The following VWC2 variants were observed in gnomAD, a reference collection of about 807,000 sequenced individuals.
The protein encoded by VWC2 is brorin.
In VWC2, 14 loss-of-function variants were observed where a neutral mutation model predicts 29.8. That is an observed-to-expected ratio of 0.47 (90% CI 0.31 to 0.74). The LOEUF (loss-of-function observed/expected upper bound fraction) is 0.74. VWC2 is among the 30% of genes least tolerant of loss of function. The pLI is 0.05. For missense variants in VWC2, 457 were observed against 459.8 expected, an observed-to-expected ratio of 0.99 and a Z score of 0.05; for synonymous variants, 213 against 199.0, an observed-to-expected ratio of 1.07 and a Z score of -0.59.
At chr7:49,837,148 A>G (rs901142590) in intron 3 of VWC2, among the ~76,000 whole-genome samples, 55 of 152,232 alleles carry the variant, frequency 3.6e-4, no homozygotes, top group African/African-American at 1.3e-3. Flanking sequence ...TTTTTATTAA[A>G]CATATTCCAT....
At chr7:49,810,274 A>G (rs779894992) in intron 3 of VWC2, among the ~76,000 whole-genome samples, 4 of 152,102 alleles carry the variant, frequency 2.6e-5, no homozygotes, top group Non-Finnish European at 4.4e-5. Flanking sequence ...TACAAATGAA[A>G]TTAAGAAAAT....
At chr7:49,876,690 C>T (rs189749468) in intron 3 of VWC2, among the ~76,000 whole-genome samples, 1 of 152,008 alleles carries the variant, frequency 6.6e-6, no homozygotes, top group Admixed American at 6.5e-5. Context: ...TTTAAGATCC[C>T]CCTTCCTCCT....
chr7:49,801,558 A>G (rs551892057), intron 2 of VWC2, among the ~76,000 whole-genome samples: 10 of 152,374 alleles, frequency 6.6e-5, no homozygotes, highest in African/African-American at 2.4e-4. Flanking sequence ...AATGGCTGGT[A>G]TGCTTGATTT....
intron 3 of VWC2, among the ~76,000 whole-genome samples, chr7:49,871,908 AACAC>A (rs72332840): frequency 0.11 from 9,932 of 87,686 alleles, 719 homozygotes; most frequent in Admixed American, 0.18. Context: ...TGTGTATATA[AACAC>A]ACACACACAC....
chr7:49,856,494 A>G (rs1450150822), intron 3 of VWC2, among the ~76,000 whole-genome samples: 1 of 152,186 alleles, frequency 6.6e-6, no homozygotes, highest in Non-Finnish European at 1.5e-5. Context: ...CTTTTCTTTA[A>G]AAATTACCCT....
At chr7:49,864,058 C>T (rs1283728000) in intron 3 of VWC2, among the ~76,000 whole-genome samples, 1 of 151,914 alleles carries the variant, frequency 6.6e-6, no homozygotes, top group Non-Finnish European at 1.5e-5. Context: ...GCCCTTCTTC[C>T]AGAGGTCTCC....
chr7:49,864,123 A>T (rs113787565), intron 3 of VWC2, among the ~76,000 whole-genome samples: 1,651 of 152,004 alleles, frequency 0.011, 12 homozygotes, highest in Admixed American at 0.021. Flanking sequence ...CTGTTTTGTG[A>T]CTTTTCTTAA....
intron 3 of VWC2, among the ~76,000 whole-genome samples, chr7:49,897,034 T>C (rs1488755240): frequency 1.3e-5 from 2 of 152,022 alleles, no homozygotes; most frequent in African/African-American, 4.8e-5. Context: ...TAGCTGGGAC[T>C]ACAGGCGCCC....
chr7:49,920,261 G>GA lies in VWC2; in HGVS notation c.*8082dup, dbSNP rs148642276. On this transcript the variant is annotated 3_prime_UTR_variant, in exon 4 of 4. Coordinates refer to ENST00000340652, the MANE Select transcript of VWC2 (RefSeq NM_198570.5). ...ATACACGATGAATCCTTTTCTTAAG[G>GA]AAAAAATGAAAATAATAAAAGTGGT... 2 of 151,918 alleles carry GA rather than the reference G, an allele frequency of 1.3e-5. No homozygotes were observed. Among genetic ancestry groups the GA allele is most frequent in the African/African-American group, 4.8e-5 (2 of 41,360 alleles). 9.4% of individuals were successfully genotyped at this position (151,918 alleles called of 1,614,324 possible).
intron 3 of VWC2, among the ~76,000 whole-genome samples, chr7:49,889,940 T>C (rs1288963631): frequency 6.6e-6 from 1 of 152,082 alleles, no homozygotes. Context: ...TGCAAAAGAG[T>C]CAAATAACTA....
chr7:49,832,900 G>A (rs1351780), intron 3 of VWC2, among the ~76,000 whole-genome samples: 3 of 152,192 alleles, frequency 2.0e-5, no homozygotes, highest in Non-Finnish European at 4.4e-5. Flanking sequence ...TTAAAAGTAT[G>A]GATCAGAAAT....
At chr7:49,872,933 A>AG (rs386410113) in intron 3 of VWC2, among the ~76,000 whole-genome samples, 10 of 147,932 alleles carry the variant, frequency 6.8e-5, no homozygotes, top group African/African-American at 2.3e-4. Context: ...AAAAAAAAAA[A>AG]AAAAGAAAGA....
At chr7:49,901,694 T>C (rs1257133396) in intron 3 of VWC2, among the ~76,000 whole-genome samples, 4 of 151,954 alleles carry the variant, frequency 2.6e-5, no homozygotes, top group Middle Eastern at 3.4e-3. Context: ...AAACGGATCC[T>C]GTTTTATCTG....
chr7:49,880,578 T>A (rs944655254), intron 3 of VWC2, among the ~76,000 whole-genome samples: 9 of 151,356 alleles, frequency 5.9e-5, no homozygotes, highest in African/African-American at 2.2e-4. Context: ...TTCTATTTTT[T>A]ATTTTTATTT....
intron 2 of VWC2, among the ~76,000 whole-genome samples, chr7:49,779,540 C>T (rs962133910): frequency 6.6e-6 from 1 of 151,944 alleles, no homozygotes; most frequent in Non-Finnish European, 1.5e-5. Flanking sequence ...TTAACTTATA[C>T]CAGCAGGCAT....
chr7:49,893,509 A>C (rs575785308), intron 3 of VWC2, among the ~76,000 whole-genome samples: 8 of 152,232 alleles, frequency 5.3e-5, no homozygotes, highest in Non-Finnish European at 1.0e-4. Context: ...CTTAGTTAAA[A>C]ATGATTTTGT....
Position 49,775,918 on chromosome 7 carries a change from C to A in VWC2, c.483C>A (p.Phe161Leu). The A allele has an allele frequency of 6.4e-7, 1 of 1,557,962 alleles. No homozygotes were observed. The part of the protein sequence containing the change: ...RGKGCVDESG[F>L]VYAIGEKFAP... ...AGGGCTGCGTGGACGAGAGCGGCTT[C>A]GTGTACGCGATCGGGGAGAAGTTCG... The change falls in exon 2 of 4, where the codon TTC (phenylalanine) becomes TTA (leucine). Residue 161 changes from phenylalanine to leucine, a missense_variant. Coordinates refer to ENST00000340652, the MANE Select transcript of VWC2 (RefSeq NM_198570.5).
intron 3 of VWC2, among the ~76,000 whole-genome samples, chr7:49,875,280 G>A (rs1050999744): frequency 8.7e-5 from 12 of 138,292 alleles, no homozygotes; most frequent in Non-Finnish European, 1.5e-4. Context: ...TGAGGCAGGA[G>A]AATCGCCTGA....
At chr7:49,892,222 AT>A (rs1366358700) in intron 3 of VWC2, among the ~76,000 whole-genome samples, 1 of 150,598 alleles carries the variant, frequency 6.6e-6, no homozygotes, top group Non-Finnish European at 1.5e-5. Context: ...TTTTTTTTGT[AT>A]TTTTAGTAGA....
Sources: allele counts gnomAD v4.1 joint callset (sites outside exome capture counted in the v4.1 genomes callset), GRCh38; gene constraint gnomAD v4.1.1; transcripts MANE v1.5; gene names NCBI Gene and HGNC (gene_info 2026-07-23, HGNC 2026-07-21).